NLRP4: variants seen among roughly 807,000 people sequenced by gnomAD.
NLRP4 encodes the protein NLR family pyrin domain containing 4.
In NLRP4, 44 loss-of-function variants were observed where a neutral mutation model predicts 84.7. The observed-to-expected ratio is 0.52, with a 90% CI of 0.41 to 0.67. NLRP4 has a LOEUF of 0.67. Among genes scored for constraint, NLRP4 ranks in the 30% least tolerant of loss-of-function variants. The probability of loss-of-function intolerance (pLI) is 0.00; values close to 1 mark genes in which losing one functional copy is unlikely to be tolerated. For synonymous variants in NLRP4, 544 were observed against 476.4 expected, an observed-to-expected ratio of 1.14 and a Z score of -1.85; for missense variants, 1,260 against 1,219.4, an observed-to-expected ratio of 1.03 and a Z score of -0.50.
chr19:55,842,511 G>A (rs771264634), intron 1 of NLRP4, among the ~76,000 whole-genome samples: 9 of 148,080 alleles, frequency 6.1e-5, no homozygotes, highest in Non-Finnish European at 1.2e-4. Context: ...GAACATTAGA[G>A]CACTTGATGT....
chr19:55,849,570 A>G (rs899015781), intron 1 of NLRP4, among the ~76,000 whole-genome samples: 1 of 152,136 alleles, frequency 6.6e-6, no homozygotes, highest in South Asian at 2.1e-4. Context: ...AGAGGAAGAG[A>G]TGGGGAGAAA....
intron 9 of NLRP4, among the ~76,000 whole-genome samples, chr19:55,880,469 ATG>A (rs1276196364): frequency 6.6e-6 from 1 of 152,178 alleles, no homozygotes; most frequent in African/African-American, 2.4e-5. Context: ...CAAAATAGGG[ATG>A]ATTATTTGGC....
Position 55,880,839 on chromosome 19 carries a change from C to T in NLRP4, c.2868-631C>T, listed in dbSNP as rs149520270. Among the ~76,000 whole-genome samples the T allele has an allele frequency of 3.0e-3, 457 of 152,260 alleles. 1 individual carries two copies. The highest frequency in any genetic ancestry group is 0.01 in the African/African-American group (436 of 41,554). ...GTGACCTTAACATTGTTCTCATTGT[C>T]TTCATCACAAGTCGGGACAATTATG... On this transcript the variant is annotated intron_variant, in intron 9 of 9. Coordinates refer to ENST00000301295, the MANE Select transcript of NLRP4 (RefSeq NM_134444.5).
intron 9 of NLRP4, among the ~76,000 whole-genome samples, chr19:55,879,316 G>A (rs1448584270): frequency 6.6e-6 from 1 of 152,178 alleles, no homozygotes; most frequent in African/African-American, 2.4e-5. Flanking sequence ...AGAAAGAAGA[G>A]CTGTCTGCTA....
intron 6 of NLRP4, 101 bp downstream of exon 6, chr19:55,867,977 G>A (rs1402345711): frequency 1.9e-6 from 2 of 1,049,134 alleles, no homozygotes; most frequent in Non-Finnish European, 2.8e-6. Context: ...CCACATAGCG[G>A]AGGTTTAAAA....
intron 1 of NLRP4, among the ~76,000 whole-genome samples, chr19:55,842,822 C>T (rs754193927): frequency 3.3e-5 from 5 of 151,880 alleles, no homozygotes; most frequent in Non-Finnish European, 5.9e-5. Context: ...TGGAGAGGTG[C>T]GATCTCAGCT....
At position 55,852,755 on chromosome 19, in the gene NLRP4, G is replaced by A. The variant is rs138687554; in HGVS notation, c.280+395G>A. Among the ~76,000 whole-genome samples the A allele has an allele frequency of 6.7e-3, 1,013 of 152,252 alleles. 9 individuals are homozygous for A. The highest frequency in any genetic ancestry group is 0.022 in the African/African-American group (899 of 41,528). On this transcript the variant is annotated intron_variant, in intron 2 of 9. Transcript: ENST00000301295. ...GCCTCCCAAAGTGCTGGGATTATAG[G>A]CATGATCCACCATGCCCAGCCTGAA...
chr19:55,853,871 T>C lies in NLRP4; in HGVS notation c.280+1511T>C, dbSNP rs1600226707. On this transcript the variant is annotated intron_variant, in intron 2 of 9. Coordinates refer to ENST00000301295, the MANE Select transcript of NLRP4 (RefSeq NM_134444.5). The stretch of plus-strand genomic sequence containing the variant: ...TGTCTTTCTCTCTCTTCCTCTCTCT[T>C]TCTCTCTTGCTATCTCTTTCTCTCT... Among the ~76,000 whole-genome samples the C allele has an allele frequency of 3.3e-5, 5 of 149,632 alleles. No homozygotes were observed. The South Asian group carries it at 1.1e-3, about 32-fold the overall frequency.
At chr19:55,843,231 C>T (rs1270938656) in intron 1 of NLRP4, among the ~76,000 whole-genome samples, 2 of 152,122 alleles carry the variant, frequency 1.3e-5, no homozygotes, top group East Asian at 3.8e-4. Context: ...CTTGCCTTAC[C>T]CCCACTCTGG....
intron 5 of NLRP4, among the ~76,000 whole-genome samples, chr19:55,866,342 A>G (rs1345874931): frequency 2.0e-5 from 3 of 152,078 alleles, no homozygotes; most frequent in Admixed American, 6.5e-5. Context: ...GCACCAACCT[A>G]TATCTTAAAT....
chr19:55,859,132 T>C lies in NLRP4; in HGVS notation c.1739T>C (p.Ile580Thr). 6.2e-7 allele frequency: 1 copy of C among 1,614,020 alleles called. No individual in the cohort carries two copies. The highest frequency in any genetic ancestry group is 8.5e-7 in the Non-Finnish European group (1 of 1,179,890). ...VNLLQEANFH[I>T]IDNVDLVVSA... The stretch of plus-strand genomic sequence containing the variant: ...CTCCTCCAAGAAGCTAACTTTCATA[T>C]TATTGACAACGTGGACTTGGTGGTT... Residue 580 changes from isoleucine to threonine, a missense_variant, in exon 3 of 10, where the codon ATT (isoleucine) becomes ACT (threonine). Physicochemically the swap from Ile to Thr is moderately conservative, Grantham distance 89. This residue lies in a region of NLRP4 where 544 missense variants were observed against 531.7 expected (regional missense o/e 1.02). Transcript: ENST00000301295.
intron 2 of NLRP4, among the ~76,000 whole-genome samples, chr19:55,853,893 C>CTTTCTCTCTTTCTGTCTCTCTT (rs1568661700): frequency 6.9e-6 from 1 of 144,556 alleles, no homozygotes; most frequent in Admixed American, 6.7e-5. Context: ...ATCTCTTTCT[C>CTTTCTCTCTTTCTGTCTCTCTT]TCTCTCTCTC....
chr19:55,851,338 C>T (rs1240852605), intron 1 of NLRP4, among the ~76,000 whole-genome samples: 5 of 76,512 alleles, frequency 6.5e-5, no homozygotes, highest in South Asian at 1.0e-3. Flanking sequence ...TCCGTGGCTG[C>T]GGTGTAATGT....
rs977639775 is a variant in NLRP4 at position 55,841,813 on chromosome 19, C to T, written c.-66+4879C>T. 6.2e-5 allele frequency among the ~76,000 whole-genome samples: 9 copies of T among 146,108 alleles called. No individual in the cohort carries two copies. In the South Asian group the frequency reaches 1.3e-3, roughly 20 times the overall value. On this transcript the variant is annotated intron_variant, in intron 1 of 9. Transcript: ENST00000301295. ...CTGGGAGGCAGAGGTTGCAGTGAGCCGAGATCGTACCACTGCACTCCAGCC... is the reference window on the plus strand; with the variant it reads ...CTGGGAGGCAGAGGTTGCAGTGAGCTGAGATCGTACCACTGCACTCCAGCC...
At chr19:55,881,397 G>A in intron 9 of NLRP4, 73 bp from the exon 10 acceptor site, 5 of 788,530 alleles carry the variant, frequency 6.3e-6, no homozygotes, top group Non-Finnish European at 1.1e-5. Flanking sequence ...GATGAATTAG[G>A]GAGAAAGATG....
At chr19:55,851,669 TC>T (rs1984155240) in intron 1 of NLRP4, among the ~76,000 whole-genome samples, 2 of 149,052 alleles carry the variant, frequency 1.3e-5, no homozygotes, top group Non-Finnish European at 3.0e-5. Flanking sequence ...CGGTGTAATG[TC>T]CGAGGCTGCG....
chr19:55,875,634 A>G (rs939823264), intron 7 of NLRP4, among the ~76,000 whole-genome samples: 2 of 152,188 alleles, frequency 1.3e-5, no homozygotes, highest in East Asian at 1.9e-4. Context: ...CCCAGTGAAA[A>G]TGCGATGTTT....
intron 6 of NLRP4, 21 bp from the exon 7 acceptor site, chr19:55,870,806 C>G: frequency 6.3e-7 from 1 of 1,599,136 alleles, no homozygotes; most frequent in South Asian, 1.1e-5. Context: ...CACTCTCCTT[C>G]TCGTGTTTTT....
intron 5 of NLRP4, among the ~76,000 whole-genome samples, chr19:55,863,612 C>A (rs910774316): frequency 6.6e-6 from 1 of 152,138 alleles, no homozygotes; most frequent in Non-Finnish European, 1.5e-5. Flanking sequence ...CCTCCTCCAA[C>A]ACTGGGATTA....
Sources: gnomAD v4.1 joint callset for allele counts (sites outside exome capture counted in the v4.1 genomes callset) on GRCh38, gnomAD v4.1.1 for gene constraint, gnomAD v4.1.1 regional missense constraint, MANE v1.5 for transcripts, NCBI Gene and HGNC (gene_info 2026-07-23, HGNC 2026-07-21) for gene names.